The following TMEM182 variants were observed in gnomAD, a reference collection of about 807,000 sequenced individuals.
TMEM182 encodes transmembrane protein 182.
Under a neutral mutation model 26.8 loss-of-function variants are expected in TMEM182, and 20 were observed. The ratio of observed to expected loss-of-function variants is 0.75; its 90% CI spans 0.53 to 1.09. TMEM182 has a LOEUF of 1.09. Ranked by LOEUF, TMEM182 falls within the 50% of genes least tolerant of loss-of-function variation. The probability of loss-of-function intolerance (pLI) is 0.00; values close to 1 mark genes in which losing one functional copy is unlikely to be tolerated. For synonymous variants in TMEM182, 109 were observed against 102.2 expected (o/e 1.07, Z -0.40); for missense variants, 277 against 275.5 (o/e 1.01, Z -0.04).
intron 3 of TMEM182, among the ~76,000 whole-genome samples, chr2:102,795,457 C>T (rs1034505968): frequency 1.3e-5 from 2 of 152,036 alleles, no homozygotes; most frequent in African/African-American, 4.8e-5. Flanking sequence ...ATTATTTTTT[C>T]GGCAGGCAAT....
chr2:102,744,006 A>G (rs1274910444), intron 1 of TMEM182, among the ~76,000 whole-genome samples: 2 of 152,196 alleles, frequency 1.3e-5, no homozygotes, highest in Admixed American at 6.5e-5. Context: ...TTACAGTTGC[A>G]GACTTTAACA....
chr2:102,799,925 CAGG>C (rs765772952), intron 4 of TMEM182, among the ~76,000 whole-genome samples: 17 of 151,966 alleles, frequency 1.1e-4, no homozygotes, highest in Non-Finnish European at 2.2e-4. Context: ...GGCAGGAGGG[CAGG>C]AGAAGGTCAG....
upstream of TMEM182, among the ~76,000 whole-genome samples, chr2:102,757,884 GA>G (rs1680092929): frequency 6.6e-6 from 1 of 152,174 alleles, no homozygotes; most frequent in Non-Finnish European, 1.5e-5. Context: ...AATGTGGCAG[GA>G]AAAAGAGAGT....
At chr2:102,798,138 A>G (rs1573547240) in intron 4 of TMEM182, 138 bp downstream of exon 4, 1 of 787,240 alleles carries the variant, frequency 1.3e-6, no homozygotes, top group Non-Finnish European at 1.7e-6. Flanking sequence ...CTTGAACACT[A>G]ACTAATAATA....
intron 3 of TMEM182, among the ~76,000 whole-genome samples, chr2:102,824,651 C>A (rs1047270292): frequency 6.6e-6 from 1 of 151,986 alleles, no homozygotes; most frequent in African/African-American, 2.4e-5. Context: ...AGTGAAACCC[C>A]GTGTCTACTA....
chr2:102,807,766 A>C (rs1239820722), intron 4 of TMEM182, among the ~76,000 whole-genome samples: 2 of 152,226 alleles, frequency 1.3e-5, no homozygotes, highest in African/African-American at 2.4e-5. Flanking sequence ...TTAGCAAGAC[A>C]TAGAGGACTT....
chr2:102,838,214 AG>A (rs1426703154), intron 3 of TMEM182, among the ~76,000 whole-genome samples: 2 of 152,182 alleles, frequency 1.3e-5, no homozygotes, highest in East Asian at 3.9e-4. Context: ...ATTACTTTTG[AG>A]GGATAGCTAT....
chr2:102,786,314 A>G (rs557904743), intron 3 of TMEM182, among the ~76,000 whole-genome samples: 1 of 145,200 alleles, frequency 6.9e-6, no homozygotes, highest in Non-Finnish European at 1.5e-5. Flanking sequence ...ACCTGGGTTC[A>G]AGTGATTCTC....
chr2:102,813,857 C>T (rs937719067), intron 4 of TMEM182, among the ~76,000 whole-genome samples: 20 of 152,132 alleles, frequency 1.3e-4, no homozygotes, highest in African/African-American at 4.8e-4. Flanking sequence ...GGGATGTTGC[C>T]CTCTAGTTAG....
chr2:102,777,063 G>GC (rs1680948296), intron 3 of TMEM182, among the ~76,000 whole-genome samples: 2 of 133,958 alleles, frequency 1.5e-5, no homozygotes, highest in African/African-American at 5.5e-5. Context: ...TTGGATACAT[G>GC]TTTTTAAAAA....
At chr2:102,740,029 AAAAT>A (rs1679499407) in intron 1 of TMEM182, among the ~76,000 whole-genome samples, 2 of 152,276 alleles carry the variant, frequency 1.3e-5, no homozygotes, top group East Asian at 3.9e-4. Flanking sequence ...TGTACACTGA[AAAAT>A]ATTGCTCAGA....
chr2:102,762,090 C>G lies in TMEM182; in HGVS notation c.-128C>G. 1.2e-6 allele frequency: 1 copy of G among 819,104 alleles called. No individual in the cohort carries two copies. The highest frequency in any genetic ancestry group is 1.8e-6 in the Non-Finnish European group (1 of 544,840). 50.7% of individuals were successfully genotyped at this position (819,104 alleles called of 1,614,324 possible). On this transcript the variant is annotated 5_prime_UTR_variant, in exon 1 of 5. Transcript: ENST00000412401. ...AAAACATGAGCTAGGACAGCCTTCT[C>G]AAGAAGATTCTGCCAACTCAAAAAT...
At chr2:102,798,276 G>A (rs760557132) in intron 4 of TMEM182, among the ~76,000 whole-genome samples, 3 of 152,136 alleles carry the variant, frequency 2.0e-5, no homozygotes, top group Non-Finnish European at 4.4e-5. Context: ...TTATTATAAA[G>A]AGGAGAACAC....
chr2:102,839,083 T>G (rs1683301908), intron 3 of TMEM182, among the ~76,000 whole-genome samples: 1 of 152,172 alleles, frequency 6.6e-6, no homozygotes, highest in Admixed American at 6.5e-5. Context: ...TGATTTTTAT[T>G]TGTTTGTCTT....
At chr2:102,838,895 G>A (rs527681787) in intron 3 of TMEM182, among the ~76,000 whole-genome samples, 1 of 152,166 alleles carries the variant, frequency 6.6e-6, no homozygotes, top group Non-Finnish European at 1.5e-5. Flanking sequence ...GAAAAATAAA[G>A]GAATGAGAGA....
chr2:102,753,016 A>G (rs991839067), intron 1 of TMEM182, among the ~76,000 whole-genome samples: 1 of 152,250 alleles, frequency 6.6e-6, no homozygotes, highest in Non-Finnish European at 1.5e-5. Flanking sequence ...ATAGTTTAAA[A>G]TGTATATTTG....
chr2:102,808,636 G>A (rs146815277), intron 4 of TMEM182, among the ~76,000 whole-genome samples: 2 of 152,180 alleles, frequency 1.3e-5, no homozygotes, highest in African/African-American at 4.8e-5. Context: ...ATCACAAAAC[G>A]GTATATTCCC....
intron 3 of TMEM182, among the ~76,000 whole-genome samples, chr2:102,840,175 C>G (rs1029929686): frequency 1.3e-5 from 2 of 152,104 alleles, no homozygotes; most frequent in African/African-American, 4.8e-5. Context: ...TTCCAAAAGG[C>G]TTTTGAGCAC....
chr2:102,838,865 T>G (rs1683298004), intron 3 of TMEM182, among the ~76,000 whole-genome samples: 1 of 152,012 alleles, frequency 6.6e-6, no homozygotes, highest in Non-Finnish European at 1.5e-5. Flanking sequence ...GAGAATGAAT[T>G]TGAGATACAC....
Sources: gnomAD v4.1 joint callset for allele counts (sites outside exome capture counted in the v4.1 genomes callset) on GRCh38, gnomAD v4.1.1 for gene constraint, MANE v1.5 for transcripts, NCBI Gene and HGNC (gene_info 2026-07-23, HGNC 2026-07-21) for gene names.